The following CNTN5 variants were observed in gnomAD, a reference collection of about 807,000 sequenced individuals.
CNTN5 encodes contactin-5.
In CNTN5, 77 loss-of-function variants were observed where a neutral mutation model predicts 129.1. The ratio of observed to expected loss-of-function variants is 0.60; its 90% CI spans 0.50 to 0.72. The LOEUF (loss-of-function observed/expected upper bound fraction) is 0.72, where lower values mean the gene tolerates loss of function less well. Ranked by LOEUF, CNTN5 falls within the 30% of genes least tolerant of loss-of-function variation. The pLI, the probability that CNTN5 is intolerant of heterozygous loss-of-function variation, is 0.00. For missense variants in CNTN5, 1,478 were observed against 1,328.8 expected (o/e 1.11, Z -1.75); for synonymous variants, 509 against 465.6 (o/e 1.09, Z -1.20).
intron 6 of CNTN5, among the ~76,000 whole-genome samples, chr11:99,913,864 A>G (rs1949722313): frequency 1.3e-5 from 2 of 152,132 alleles, no homozygotes; most frequent in East Asian, 3.9e-4. Flanking sequence ...CCATTTTAAA[A>G]ATTCAGTTAA....
intron 13 of CNTN5, among the ~76,000 whole-genome samples, chr11:100,108,182 G>T (rs1945519711): frequency 6.6e-6 from 1 of 151,920 alleles, no homozygotes; most frequent in Admixed American, 6.6e-5. Flanking sequence ...AGAGTAGGGA[G>T]ATAAAATATT....
chr11:99,086,187 T>C (rs1221082271), intron 1 of CNTN5, among the ~76,000 whole-genome samples: 4 of 152,218 alleles, frequency 2.6e-5, no homozygotes, highest in African/African-American at 4.8e-5. Context: ...AGTGGGTCGC[T>C]GGAGCCTCTC....
At chr11:100,046,740 G>C (rs148579751) in intron 9 of CNTN5, among the ~76,000 whole-genome samples, 1 of 151,988 alleles carries the variant, frequency 6.6e-6, no homozygotes, top group Non-Finnish European at 1.5e-5. Context: ...AAGCATGGCA[G>C]GGTAGTTTGT....
chr11:99,406,301 G>A (rs1451288657), intron 2 of CNTN5, among the ~76,000 whole-genome samples: 2 of 152,226 alleles, frequency 1.3e-5, no homozygotes, highest in Non-Finnish European at 2.9e-5. Context: ...TAGACTCATA[G>A]AGGTACCACC....
At chr11:99,173,149 G>A (rs11218635) in intron 1 of CNTN5, among the ~76,000 whole-genome samples, 4,510 of 152,114 alleles carry the variant, frequency 0.03, 218 homozygotes, top group African/African-American at 0.1. Context: ...CTCACACCTG[G>A]GTTCCTCCCA....
chr11:99,217,202 A>C (rs971747546), intron 1 of CNTN5, among the ~76,000 whole-genome samples: 6 of 152,154 alleles, frequency 3.9e-5, no homozygotes, highest in Non-Finnish European at 7.4e-5. Flanking sequence ...AAATAATCAA[A>C]GTATATAAGG....
chr11:99,191,175 T>A (rs919919796), intron 1 of CNTN5, among the ~76,000 whole-genome samples: 9 of 151,950 alleles, frequency 5.9e-5, no homozygotes, highest in African/African-American at 2.2e-4. Flanking sequence ...GATCCTTGCT[T>A]ACCGGAAATA....
At position 99,462,069 on chromosome 11, in the gene CNTN5, T is replaced by G. The variant is rs115926431; in HGVS notation, c.-70-94076T>G. Among the ~76,000 whole-genome samples the G allele has an allele frequency of 7.9e-3, 1,196 of 152,268 alleles. 20 individuals are homozygous for G. The highest frequency in any genetic ancestry group is 0.027 in the African/African-American group (1,117 of 41,566). On this transcript the variant is annotated intron_variant, in intron 2 of 24. Coordinates refer to ENST00000524871, the MANE Select transcript of CNTN5 (RefSeq NM_014361.4). Reference sequence around the variant, plus strand: ...GAGAACCTAAATATTTAGTTTCATTTAAATAACTCAGTGTGGTTTGTGGCT... The same window carrying G: ...GAGAACCTAAATATTTAGTTTCATTGAAATAACTCAGTGTGGTTTGTGGCT...
chr11:99,430,454 G>T, intron 2 of CNTN5, among the ~76,000 whole-genome samples: 1 of 148,110 alleles, frequency 6.8e-6, no homozygotes. Context: ...TATTTATAAG[G>T]CCTTTATATA....
At chr11:99,370,796 G>A (rs1409047786) in intron 2 of CNTN5, among the ~76,000 whole-genome samples, 1 of 152,110 alleles carries the variant, frequency 6.6e-6, no homozygotes, top group African/African-American at 2.4e-5. Flanking sequence ...AGACTCTCGT[G>A]GTAAAGCTGA....
intron 3 of CNTN5, among the ~76,000 whole-genome samples, chr11:99,721,974 GC>G (rs1943188225): frequency 6.6e-6 from 1 of 151,972 alleles, no homozygotes; most frequent in East Asian, 1.9e-4. Context: ...TTCTTAAAAA[GC>G]TAATAACAGA....
rs546301762 is a variant in CNTN5 at position 99,677,961 on chromosome 11, A to G, written c.55+121692A>G. On this transcript the variant is annotated intron_variant, in intron 3 of 24. Transcript: ENST00000524871. ...ACATGGATTCTCCTTGGTACTCTCG[A>G]AAAAATCAGATTTCCAACTATTATG... Among the ~76,000 whole-genome samples, 3 of 152,176 alleles carry G rather than the reference A, an allele frequency of 2.0e-5. No homozygotes were observed. In the East Asian group the frequency reaches 5.8e-4, roughly 29 times the overall value.
intron 8 of CNTN5, among the ~76,000 whole-genome samples, chr11:99,995,906 C>A (rs1939412025): frequency 6.6e-6 from 1 of 152,152 alleles, no homozygotes; most frequent in African/African-American, 2.4e-5. Context: ...TCATCTACCA[C>A]CTCTAAATGA....
intron 1 of CNTN5, among the ~76,000 whole-genome samples, chr11:99,221,026 A>C (rs1860373700): frequency 6.6e-6 from 1 of 151,908 alleles, no homozygotes; most frequent in Non-Finnish European, 1.5e-5. Context: ...GGAATGATTC[A>C]ATTTGTTGGA....
intron 8 of CNTN5, among the ~76,000 whole-genome samples, chr11:99,958,771 T>C (rs1245044195): frequency 6.6e-6 from 1 of 152,210 alleles, no homozygotes; most frequent in Non-Finnish European, 1.5e-5. Flanking sequence ...TAAGACGTTA[T>C]TGCATTCTTA....
At chr11:99,726,427 A>C (rs1447647341) in intron 3 of CNTN5, among the ~76,000 whole-genome samples, 1 of 152,122 alleles carries the variant, frequency 6.6e-6, no homozygotes, top group African/African-American at 2.4e-5. Flanking sequence ...AAGCAAGGAG[A>C]GTTTGATAGC....
intron 1 of CNTN5, among the ~76,000 whole-genome samples, chr11:99,106,355 G>A (rs1866993758): frequency 6.6e-6 from 1 of 152,064 alleles, no homozygotes; most frequent in Non-Finnish European, 1.5e-5. Context: ...TATAGAGTAA[G>A]AGAACATGTT....
At chr11:99,039,426 T>G (rs996397061) in intron 1 of CNTN5, among the ~76,000 whole-genome samples, 3 of 152,170 alleles carry the variant, frequency 2.0e-5, no homozygotes, top group Non-Finnish European at 2.9e-5. Context: ...AGGTTCCACA[T>G]TCTTATTTTT....
At chr11:99,292,426 G>A (rs1445016011) in intron 1 of CNTN5, among the ~76,000 whole-genome samples, 2 of 151,944 alleles carry the variant, frequency 1.3e-5, no homozygotes, top group Non-Finnish European at 2.9e-5. Flanking sequence ...ATAGAGGAAA[G>A]GACGATTTGC....
Sources: allele counts gnomAD v4.1 joint callset (sites outside exome capture counted in the v4.1 genomes callset), GRCh38; gene constraint gnomAD v4.1.1; transcripts MANE v1.5; gene names NCBI Gene and HGNC (gene_info 2026-07-23, HGNC 2026-07-21).